Variants in FAAH2 observed in about 807,000 individuals in gnomAD.
The protein encoded by FAAH2 is fatty acid amide hydrolase 2.
FAAH2 carries 60 observed loss-of-function variants against 36.9 expected under a neutral mutation model. That is an observed-to-expected ratio of 1.63 (90% CI 1.32 to 2.02). FAAH2 has a LOEUF of 2.02. Among genes scored for constraint, FAAH2 ranks in the 30% most tolerant of loss-of-function variants. The pLI, the probability that FAAH2 is intolerant of heterozygous loss-of-function variation, is 0.00. For synonymous variants in FAAH2, 214 were observed against 143.8 expected (o/e 1.49, Z -3.49); for missense variants, 689 against 397.5 (o/e 1.73, Z -6.23).
chrX:57,421,339 C>T (rs1481621143), intron 7 of FAAH2, among the ~76,000 whole-genome samples: 1 of 112,072 alleles, frequency 8.9e-6, no homozygotes, highest in Non-Finnish European at 1.9e-5. Flanking sequence ...AGCTACTCAG[C>T]TACTCAGGTG....
At chrX:57,158,949 T>G in the FAAH2 span, among the ~76,000 whole-genome samples, 1 of 112,422 alleles carries the variant, frequency 8.9e-6, no homozygotes, top group Admixed American at 9.4e-5. Context: ...ATTGCCTAGG[T>G]TTTCTTCTAG....
the FAAH2 span, among the ~76,000 whole-genome samples, chrX:57,145,253 T>TG: frequency 2.7e-3 from 280 of 102,900 alleles, 2 homozygotes; most frequent in African/African-American, 7.9e-3. Flanking sequence ...ATCATTCTTT[T>TG]GGGGGGGGGT....
At chrX:57,131,841 CTT>C in the FAAH2 span, among the ~76,000 whole-genome samples, 1 of 111,449 alleles carries the variant, frequency 9.0e-6, no homozygotes, top group Non-Finnish European at 1.9e-5. Context: ...GAAAAAAAAA[CTT>C]TTGAATTCCA....
the FAAH2 span, among the ~76,000 whole-genome samples, chrX:57,265,383 G>A: frequency 8.9e-6 from 1 of 111,762 alleles, no homozygotes; most frequent in African/African-American, 3.3e-5. Flanking sequence ...AGACCCACTG[G>A]CTTAGGATTC....
the FAAH2 span, among the ~76,000 whole-genome samples, chrX:57,230,311 A>G: frequency 5.3e-5 from 6 of 112,177 alleles, no homozygotes; most frequent in Non-Finnish European, 9.4e-5. Context: ...GTGTTTGTGG[A>G]CTTGGGGAAA....
At chrX:57,193,944 A>G in the FAAH2 span, among the ~76,000 whole-genome samples, 1 of 111,582 alleles carries the variant, frequency 9.0e-6, no homozygotes, top group Non-Finnish European at 1.9e-5. Context: ...CAGTTTTTTG[A>G]ATAAATATTA....
intron 7 of FAAH2, among the ~76,000 whole-genome samples, chrX:57,399,959 A>G (rs750862166): frequency 8.9e-6 from 1 of 112,004 alleles, no homozygotes; most frequent in Admixed American, 9.4e-5. Context: ...TCCTTTTTCT[A>G]CAAAGAAACT....
Position 57,416,271 on chromosome X carries a change from G to A in FAAH2, c.997-15647G>A, listed in dbSNP as rs762096266. ...TGTGCGAATTTGATCCTGTCATTATGAAGCTAGCTGGTTATTTTGCTCCCT... is the reference window on the plus strand; with the variant it reads ...TGTGCGAATTTGATCCTGTCATTATAAAGCTAGCTGGTTATTTTGCTCCCT... On this transcript the variant is annotated intron_variant, in intron 7 of 10. Coordinates refer to ENST00000374900, the MANE Select transcript of FAAH2 (RefSeq NM_174912.4). Among the ~76,000 whole-genome samples, 3 of 111,469 alleles carry A rather than the reference G, an allele frequency of 2.7e-5. No homozygotes were observed. The South Asian group carries it at 1.1e-3, about 42-fold the overall frequency.
At chrX:57,150,438 G>A in the FAAH2 span, among the ~76,000 whole-genome samples, 1 of 112,092 alleles carries the variant, frequency 8.9e-6, no homozygotes, top group Non-Finnish European at 1.9e-5. Context: ...ATGAATCTGG[G>A]TGCTCCTGTA....
intron 10 of FAAH2, among the ~76,000 whole-genome samples, chrX:57,473,061 T>C (rs2057199386): frequency 9.0e-6 from 1 of 111,232 alleles, no homozygotes; most frequent in African/African-American, 3.3e-5. Flanking sequence ...TTATTTCTTT[T>C]CTTCTGCTAG....
chrX:57,245,069 A>G, the FAAH2 span, among the ~76,000 whole-genome samples: 3 of 111,550 alleles, frequency 2.7e-5, no homozygotes, highest in Non-Finnish European at 5.7e-5. Flanking sequence ...AAAAAAAGCA[A>G]ACATTGCAAT....
chrX:57,198,980 G>A, the FAAH2 span, among the ~76,000 whole-genome samples: 7 of 111,358 alleles, frequency 6.3e-5, no homozygotes, highest in Admixed American at 4.8e-4. Context: ...GCTGCAAGCT[G>A]TTTCTTTCAA....
intron 5 of FAAH2, among the ~76,000 whole-genome samples, chrX:57,352,077 TATGTGTATATATATGC>T (rs1264622024): frequency 3.2e-4 from 11 of 34,283 alleles, no homozygotes; most frequent in Admixed American, 4.1e-4. Flanking sequence ...CACATATATA[TATGTGTATATATATGC>T]ACATATATAT....
At chrX:57,456,136 C>T (rs1000701110) in intron 10 of FAAH2, among the ~76,000 whole-genome samples, 1 of 111,881 alleles carries the variant, frequency 8.9e-6, no homozygotes, top group African/African-American at 3.2e-5. Context: ...AAGCAGAAAT[C>T]AATACCAAGA....
chrX:57,357,222 A>C (rs975188359), intron 5 of FAAH2, among the ~76,000 whole-genome samples: 1 of 111,589 alleles, frequency 9.0e-6, no homozygotes, highest in Non-Finnish European at 1.9e-5. Context: ...ACCTAAAACC[A>C]TGAAAACCCT....
chrX:57,229,077 C>G, the FAAH2 span: 5 of 102,169 alleles, frequency 4.9e-5, no homozygotes, highest in African/African-American at 1.9e-4. Flanking sequence ...ATTTCAGAGC[C>G]CACAGTTACA....
At chrX:57,485,298 G>T (rs185138213) in intron 10 of FAAH2, among the ~76,000 whole-genome samples, 7 of 111,538 alleles carry the variant, frequency 6.3e-5, no homozygotes, top group East Asian at 5.7e-4. Flanking sequence ...GCTGCAAAAT[G>T]GTTGGCAGCA....
Position 57,326,412 on chromosome X carries a change from T to C in FAAH2, c.413-5186T>C, listed in dbSNP as rs994728782. Among the ~76,000 whole-genome samples, 45 of 114,541 alleles carry C rather than the reference T, an allele frequency of 3.9e-4. 1 individual carries two copies. Among genetic ancestry groups the C allele is most frequent in the African/African-American group, 1.4e-3 (43 of 31,360 alleles). ...ATATCCTTGTTAACTTTCTGTCTCG[T>C]TGATCTGTCTAATGTTGACAGTGGG... On this transcript the variant is annotated intron_variant, in intron 3 of 10. Coordinates refer to ENST00000374900, the MANE Select transcript of FAAH2 (RefSeq NM_174912.4).
chrX:57,292,425 C>T (rs1471073333), intron 1 of FAAH2, 73 bp from the exon 2 acceptor site: 2 of 960,594 alleles, frequency 2.1e-6, no homozygotes, highest in Non-Finnish European at 1.5e-6. Flanking sequence ...ACATAGGAGT[C>T]TTTCAGGAAA....
Sources: allele counts gnomAD v4.1 joint callset (sites outside exome capture counted in the v4.1 genomes callset), GRCh38; gene constraint gnomAD v4.1.1; transcripts MANE v1.5; gene names NCBI Gene and HGNC (gene_info 2026-07-23, HGNC 2026-07-21).